ABAT: variants seen among roughly 807,000 people sequenced by gnomAD.
The protein encoded by ABAT is 4-aminobutyrate aminotransferase, also known as 4-aminobutyrate aminotransferase, mitochondrial.
In ABAT, 45 loss-of-function variants were observed where a neutral mutation model predicts 64.6. The observed-to-expected ratio is 0.70, with a 90% CI of 0.55 to 0.89. ABAT has a LOEUF of 0.89. ABAT is among the 40% of genes least tolerant of loss of function. ABAT has a pLI of 0.00. For missense variants in ABAT, 633 were observed against 658.4 expected, an observed-to-expected ratio of 0.96 and a Z score of 0.42; for synonymous variants, 297 against 250.5, an observed-to-expected ratio of 1.19 and a Z score of -1.75.
At chr16:8,715,769 A>T (rs1301983668) in intron 1 of ABAT, 5 of 152,284 alleles carry the variant, frequency 3.3e-5, no homozygotes, top group South Asian at 2.1e-4. Flanking sequence ...AATAAATTAA[A>T]AAAAGATAAT....
chr16:8,768,056 C>T, intron 9 of ABAT, 137 bp from the exon 10 acceptor site: 1 of 880,918 alleles, frequency 1.1e-6, no homozygotes, highest in Non-Finnish European at 1.9e-6. Flanking sequence ...CCCCATTGGT[C>T]CCATGGGTAA....
intron 1 of ABAT, among the ~76,000 whole-genome samples, chr16:8,684,019 C>A (rs1205397599): frequency 6.6e-6 from 1 of 152,092 alleles, no homozygotes; most frequent in East Asian, 1.9e-4. Context: ...TACACCAGCG[C>A]CTCTTCTAGA....
chr16:8,683,616 T>C (rs2057384921), intron 1 of ABAT: 2 of 149,504 alleles, frequency 1.3e-5, no homozygotes, highest in South Asian at 4.2e-4. Context: ...ACTGAAAATA[T>C]GGGGTGTAGG....
intron 6 of ABAT, among the ~76,000 whole-genome samples, chr16:8,758,297 G>A (rs548394602): frequency 5.9e-5 from 9 of 152,330 alleles, no homozygotes; most frequent in East Asian, 5.8e-4. Flanking sequence ...CAGGAGCTGA[G>A]CTATTTGGGG....
chr16:8,729,301 C>G (rs1388530180), intron 1 of ABAT, among the ~76,000 whole-genome samples: 1 of 79,510 alleles, frequency 1.3e-5, no homozygotes, highest in Non-Finnish European at 2.7e-5. Flanking sequence ...CAGACCCTGT[C>G]TCAACAAAAA....
intron 9 of ABAT, 129 bp from the exon 10 acceptor site, chr16:8,768,064 T>A: frequency 1.1e-6 from 1 of 947,882 alleles, no homozygotes; most frequent in Non-Finnish European, 1.7e-6. Flanking sequence ...GTCCCATGGG[T>A]AACTTTTGCC....
At chr16:8,718,423 A>C (rs1363628469) in intron 1 of ABAT, among the ~76,000 whole-genome samples, 1 of 152,244 alleles carries the variant, frequency 6.6e-6, no homozygotes, top group African/African-American at 2.4e-5. Flanking sequence ...CAATGAAAAA[A>C]AGTTTGAGAA....
intron 1 of ABAT, among the ~76,000 whole-genome samples, chr16:8,726,064 C>A (rs1334956577): frequency 1.3e-5 from 2 of 151,964 alleles, no homozygotes; most frequent in Non-Finnish European, 2.9e-5. Context: ...TAACTATCCA[C>A]CTCCCATTCA....
At chr16:8,745,639 A>G (rs1277467778) in intron 2 of ABAT, among the ~76,000 whole-genome samples, 3 of 152,106 alleles carry the variant, frequency 2.0e-5, no homozygotes, top group African/African-American at 7.2e-5. Flanking sequence ...TCAGGGGTGC[A>G]GTGAGCCTTG....
At chr16:8,691,470 C>T (rs1272181220) in intron 1 of ABAT, among the ~76,000 whole-genome samples, 1 of 152,026 alleles carries the variant, frequency 6.6e-6, no homozygotes, top group South Asian at 2.1e-4. Flanking sequence ...GACAGACTCT[C>T]ACTCTGTTGC....
At chr16:8,745,626 A>C (rs550145441) in intron 2 of ABAT, among the ~76,000 whole-genome samples, 1 of 152,166 alleles carries the variant, frequency 6.6e-6, no homozygotes, top group South Asian at 2.1e-4. Flanking sequence ...GAGCCTTTGG[A>C]GGTCAGGGGT....
At chr16:8,765,921 G>A in intron 8 of ABAT, 1 of 397,864 alleles carries the variant, frequency 2.5e-6, no homozygotes, top group Non-Finnish European at 4.8e-6. Context: ...CGCACATCTG[G>A]CCTCCATTCT....
intron 1 of ABAT, chr16:8,713,078 AC>A (rs2058114599): frequency 6.6e-6 from 1 of 151,788 alleles, no homozygotes; most frequent in South Asian, 2.1e-4. Flanking sequence ...TTCCTCCCCA[AC>A]CCCCGAGGCG....
intron 2 of ABAT, chr16:8,738,409 C>G (rs1390443312): frequency 4.4e-6 from 2 of 455,832 alleles, no homozygotes; most frequent in Non-Finnish European, 8.8e-6. Flanking sequence ...TTGGCTTTCA[C>G]TCATTTTTCC....
intron 5 of ABAT, among the ~76,000 whole-genome samples, chr16:8,753,568 T>C (rs1370173071): frequency 6.6e-6 from 1 of 152,062 alleles, no homozygotes; most frequent in Non-Finnish European, 1.5e-5. Flanking sequence ...ATCTGAGGCT[T>C]AATGAGGTCT....
At chr16:8,677,311 C>A (rs1028828971) in intron 1 of ABAT, among the ~76,000 whole-genome samples, 1 of 152,220 alleles carries the variant, frequency 6.6e-6, no homozygotes, top group Non-Finnish European at 1.5e-5. Context: ...CGTAGATAAT[C>A]TGCCAGGGCC....
chr16:8,691,196 T>C (rs1412008748), intron 1 of ABAT, among the ~76,000 whole-genome samples: 1 of 152,206 alleles, frequency 6.6e-6, no homozygotes, highest in Non-Finnish European at 1.5e-5. Flanking sequence ...ATATACTGTG[T>C]ACTATGAGTA....
At chr16:8,746,198 C>A in intron 3 of ABAT, 100 bp downstream of exon 3, 2 of 894,854 alleles carry the variant, frequency 2.2e-6, no homozygotes, top group Non-Finnish European at 3.6e-6. Context: ...TGATTGTCAG[C>A]TGCTTTCAGA....
chr16:8,697,572 G>C, intron 1 of ABAT, among the ~76,000 whole-genome samples: 1 of 152,054 alleles, frequency 6.6e-6, no homozygotes, highest in East Asian at 1.9e-4. Context: ...TTGGAATCAT[G>C]TATGAATTTG....
Sources: gnomAD v4.1 joint callset for allele counts (sites outside exome capture counted in the v4.1 genomes callset) on GRCh38, gnomAD v4.1.1 for gene constraint, MANE v1.5 for transcripts, NCBI Gene and HGNC (gene_info 2026-07-23, HGNC 2026-07-21) for gene names.